VAV3: variants seen among roughly 807,000 people sequenced by gnomAD.
The protein encoded by VAV3 is guanine nucleotide exchange factor VAV3.
In VAV3, 94 loss-of-function variants were observed where a neutral mutation model predicts 131.2. The observed-to-expected ratio is 0.72, with a 90% CI of 0.61 to 0.85. The LOEUF is 0.85. VAV3 is among the 40% of genes least tolerant of loss of function. VAV3 has a pLI of 0.00. For synonymous variants in VAV3, 349 were observed against 342.0 expected (o/e 1.02, Z -0.22); for missense variants, 939 against 1,002.7 (o/e 0.94, Z 0.86).
chr1:107,762,099 G>T (rs992463363), intron 9 of VAV3, among the ~76,000 whole-genome samples: 1 of 138,064 alleles, frequency 7.2e-6, no homozygotes, highest in Non-Finnish European at 1.5e-5. Flanking sequence ...TGTTTCTCAC[G>T]TAACTATGGT....
intron 18 of VAV3, chr1:107,685,655 T>G (rs1658964091): frequency 6.6e-6 from 1 of 152,112 alleles, no homozygotes; most frequent in Non-Finnish European, 1.5e-5. Flanking sequence ...CGGAGGAATT[T>G]TCACGCCCCT....
intron 2 of VAV3, among the ~76,000 whole-genome samples, chr1:107,799,378 C>T (rs998647392): frequency 1.5e-4 from 23 of 149,534 alleles, no homozygotes; most frequent in African/African-American, 5.6e-4. Context: ...GTAACAAAAA[C>T]ATAACTTACG....
At chr1:107,918,626 A>G (rs1672731487) in intron 1 of VAV3, among the ~76,000 whole-genome samples, 1 of 151,618 alleles carries the variant, frequency 6.6e-6, no homozygotes, top group African/African-American at 2.4e-5. Context: ...AAACCACTCC[A>G]TGAAAATGAA....
chr1:107,896,276 C>T (rs1671568183), intron 1 of VAV3, among the ~76,000 whole-genome samples: 1 of 152,196 alleles, frequency 6.6e-6, no homozygotes, highest in African/African-American at 2.4e-5. Flanking sequence ...CACAGACTTA[C>T]TTTGAGCAAG....
chr1:107,785,710 G>A (rs1665943158), intron 2 of VAV3: 3 of 1,025,648 alleles, frequency 2.9e-6, no homozygotes, highest in South Asian at 5.3e-5. Context: ...TGAGTGCTGG[G>A]TGGAGAAATT....
intron 2 of VAV3, among the ~76,000 whole-genome samples, chr1:107,804,616 T>G (rs1196959342): frequency 6.6e-6 from 1 of 152,206 alleles, no homozygotes; most frequent in Non-Finnish European, 1.5e-5. Flanking sequence ...TTTCTGTAGC[T>G]ATTATTCTTT....
At chr1:107,863,352 T>C (rs1324955148) in intron 2 of VAV3, among the ~76,000 whole-genome samples, 8 of 152,206 alleles carry the variant, frequency 5.3e-5, no homozygotes, top group Admixed American at 3.3e-4. Flanking sequence ...CTCCTACCAC[T>C]GGCATTACAA....
chr1:107,765,649 C>A (rs892021424), intron 8 of VAV3, among the ~76,000 whole-genome samples: 1 of 152,270 alleles, frequency 6.6e-6, no homozygotes, highest in Admixed American at 6.5e-5. Flanking sequence ...CATAAATCAT[C>A]TGAAGAGAGG....
At chr1:107,795,383 C>A (rs1003141499) in intron 2 of VAV3, among the ~76,000 whole-genome samples, 3 of 152,182 alleles carry the variant, frequency 2.0e-5, no homozygotes, top group African/African-American at 4.8e-5. Context: ...CAATGAAATT[C>A]TTTGGACAGA....
At chr1:107,756,229 C>G (rs978310597) in intron 11 of VAV3, among the ~76,000 whole-genome samples, 1 of 152,168 alleles carries the variant, frequency 6.6e-6, no homozygotes, top group Admixed American at 6.5e-5. Flanking sequence ...CATACTGTAA[C>G]TAGCTATTTT....
intron 1 of VAV3, among the ~76,000 whole-genome samples, chr1:107,923,168 C>T (rs905043678): frequency 6.6e-6 from 1 of 151,962 alleles, no homozygotes; most frequent in Non-Finnish European, 1.5e-5. Context: ...AGTTAAATTG[C>T]CTTTTCTAAA....
At chr1:107,695,242 T>C (rs1392004484) in intron 17 of VAV3, among the ~76,000 whole-genome samples, 3 of 152,074 alleles carry the variant, frequency 2.0e-5, no homozygotes, top group Non-Finnish European at 4.4e-5. Flanking sequence ...CATTATTCTG[T>C]AAGAAATGTA....
intron 15 of VAV3, among the ~76,000 whole-genome samples, chr1:107,732,759 C>A (rs1305604822): frequency 1.3e-5 from 2 of 152,162 alleles, no homozygotes; most frequent in Non-Finnish European, 2.9e-5. Context: ...CTGTCTGCCT[C>A]TGTAGACTCC....
In VAV3 at chr1:107,678,400, C is replaced by T. The variant is rs1418728955; in HGVS notation, c.1777+5088G>A. ...AATATTCTAATCTATAGAAACTTTACTATTTATTATAGACAAAAGCTCATT... is the reference window on the plus strand; with the variant it reads ...AATATTCTAATCTATAGAAACTTTATTATTTATTATAGACAAAAGCTCATT... On this transcript the variant is annotated intron_variant, in intron 19 of 26. Coordinates refer to ENST00000370056, the MANE Select transcript of VAV3 (RefSeq NM_006113.5). Among the ~76,000 whole-genome samples, 3 of 152,198 alleles carry T rather than the reference C, an allele frequency of 2.0e-5. No individual in the cohort carries two copies. The East Asian group carries it at 5.8e-4, about 29-fold the overall frequency.
intron 15 of VAV3, among the ~76,000 whole-genome samples, chr1:107,748,582 G>A (rs1321555305): frequency 6.6e-6 from 1 of 152,138 alleles, no homozygotes; most frequent in Non-Finnish European, 1.5e-5. Context: ...ATCTGTTTGT[G>A]TATGTACACT....
chr1:107,782,866 C>T (rs1443267898), intron 2 of VAV3, among the ~76,000 whole-genome samples: 1 of 152,196 alleles, frequency 6.6e-6, no homozygotes, highest in East Asian at 1.9e-4. Flanking sequence ...AAGAAAACAT[C>T]TCCAAGGACA....
intron 12 of VAV3, among the ~76,000 whole-genome samples, chr1:107,751,710 G>C (rs1237390122): frequency 2.0e-5 from 3 of 152,148 alleles, no homozygotes; most frequent in Non-Finnish European, 4.4e-5. Flanking sequence ...ATAAAGTCCA[G>C]GCTGGCTTTC....
At chr1:107,849,051 C>T (rs891795480) in intron 2 of VAV3, among the ~76,000 whole-genome samples, 2 of 152,032 alleles carry the variant, frequency 1.3e-5, no homozygotes. Context: ...AACTACAAAC[C>T]TCTGCTCAAC....
intron 20 of VAV3, among the ~76,000 whole-genome samples, 166 bp downstream of exon 20, chr1:107,642,453 T>C (rs747537117): frequency 3.3e-5 from 5 of 152,160 alleles, no homozygotes; most frequent in Non-Finnish European, 4.4e-5. Flanking sequence ...CCAGCAACCC[T>C]CGGGGCTGCT....
Sources: gnomAD v4.1 joint callset for allele counts (sites outside exome capture counted in the v4.1 genomes callset) on GRCh38, gnomAD v4.1.1 for gene constraint, MANE v1.5 for transcripts, NCBI Gene and HGNC (gene_info 2026-07-23, HGNC 2026-07-21) for gene names.